The following PACRGL variants were observed in gnomAD, a reference collection of about 807,000 sequenced individuals.
PACRGL encodes PACRG-like protein.
Under a neutral mutation model 34.5 loss-of-function variants are expected in PACRGL, and 38 were observed. The ratio of observed to expected loss-of-function variants is 1.10; its 90% CI spans 0.85 to 1.44. PACRGL has a LOEUF of 1.44. Ranked by LOEUF, PACRGL falls within the 40% of genes most tolerant of loss-of-function variation. The pLI, the probability that PACRGL is intolerant of heterozygous loss-of-function variation, is 0.00. For missense variants in PACRGL, 305 were observed against 281.4 expected, an observed-to-expected ratio of 1.08 and a Z score of -0.60; for synonymous variants, 128 against 100.1, an observed-to-expected ratio of 1.28 and a Z score of -1.66.
rs1747004194 is a variant in PACRGL at position 20,729,082 on chromosome 4, C to T, written c.*1741C>T. On this transcript the variant is annotated 3_prime_UTR_variant, in exon 9 of 9. Coordinates refer to ENST00000503585, the MANE Select transcript of PACRGL (RefSeq NM_001258345.3). ...TTGCTAATTTTGCTTGCTGTTTGTT[C>T]TTAGTAGACAGTGGGGTAGTCAAGG... The T allele has an allele frequency of 6.6e-6, 1 of 151,806 alleles. No individual in the cohort carries two copies. The allele number at this position is 151,806 out of a possible 1,614,324, so 9.4% of individuals were successfully genotyped here.
At chr4:20,746,631 T>C (rs1752485525) in intron 8 of PACRGL, among the ~76,000 whole-genome samples, 1 of 152,154 alleles carries the variant, frequency 6.6e-6, no homozygotes, top group Non-Finnish European at 1.5e-5. Flanking sequence ...ATTATGACTT[T>C]TTCATTTTTA....
At chr4:20,703,398 A>G (rs1733068133) in intron 1 of PACRGL, among the ~76,000 whole-genome samples, 2 of 152,256 alleles carry the variant, frequency 1.3e-5, no homozygotes, top group Admixed American at 1.3e-4. Flanking sequence ...CACATTTGAG[A>G]AACCAAGATG....
chr4:20,707,615 G>GA (rs35495469), intron 3 of PACRGL, among the ~76,000 whole-genome samples, 188 bp from the exon 4 acceptor site: 77,518 of 151,974 alleles, frequency 0.51, 20,417 homozygotes, highest in African/African-American at 0.63. Flanking sequence ...ATCGTTAGGG[G>GA]AAAAAGAGAT....
At position 20,716,421 on chromosome 4, in the gene PACRGL, C is replaced by T. The variant is rs192853513; in HGVS notation, c.609+2882C>T. On this transcript the variant is annotated intron_variant, in intron 7 of 8. Coordinates refer to ENST00000503585, the MANE Select transcript of PACRGL (RefSeq NM_001258345.3). ...CGTGCAGGTTTGTTACGTATGTATA[C>T]GTGTGCCATGTTGGTGTGTTGAACC... 2.0e-5 allele frequency among the ~76,000 whole-genome samples: 3 copies of T among 152,006 alleles called. No individual in the cohort carries two copies. The East Asian group carries it at 5.8e-4, about 29-fold the overall frequency.
At chr4:20,717,394 A>G (rs552776861) in intron 7 of PACRGL, among the ~76,000 whole-genome samples, 96 of 152,332 alleles carry the variant, frequency 6.3e-4, no homozygotes, top group Admixed American at 1.0e-3. Context: ...TGTTTTAGAC[A>G]TGAAGTCCTT....
At chr4:20,723,943 C>T (rs1184920925) in intron 7 of PACRGL, among the ~76,000 whole-genome samples, 1 of 152,176 alleles carries the variant, frequency 6.6e-6, no homozygotes, top group Non-Finnish European at 1.5e-5. Flanking sequence ...CTTCGTCCCT[C>T]ACCCCCATCT....
intron 1 of PACRGL, 47 bp downstream of exon 1, chr4:20,700,834 A>AT (rs890983753): frequency 2.0e-5 from 3 of 151,282 alleles, no homozygotes; most frequent in East Asian, 1.9e-4. Flanking sequence ...TTTTTTCTTT[A>AT]TTTTTTTTCT....
rs17552950 is a variant in PACRGL, at chr4:20,728,553, G to C, written c.*1212G>C. 0.17 allele frequency: 26,387 copies of C among 152,430 alleles called. 2,342 individuals are homozygous for C. The highest frequency in any genetic ancestry group is 0.23 in the Middle Eastern group (67 of 292). The allele number at this position is 152,430 out of a possible 1,614,324, so 9.4% of individuals were successfully genotyped here. A position where few individuals can be genotyped will look rare whatever the true frequency, so the allele number is the denominator to read the frequency against. ...AGCTATCTGCCATCTAGAAAGTACT[G>C]TAAGATTTAATTAATTACAAAATTT... On this transcript the variant is annotated 3_prime_UTR_variant, in exon 9 of 9. Transcript: ENST00000503585.
intron 7 of PACRGL, among the ~76,000 whole-genome samples, chr4:20,717,820 CT>C (rs1483006648): frequency 9.2e-5 from 14 of 151,794 alleles, no homozygotes; most frequent in South Asian, 2.1e-4. Flanking sequence ...AATGTGGGCT[CT>C]TTTTTGTTTC....
chr4:20,726,073 C>T (rs1443383521), intron 8 of PACRGL, among the ~76,000 whole-genome samples: 1 of 151,972 alleles, frequency 6.6e-6, no homozygotes, highest in Non-Finnish European at 1.5e-5. Context: ...GAAACGCTCC[C>T]TAGGTGATTT....
At chr4:20,749,304 T>C (rs1187136819) in intron 8 of PACRGL, among the ~76,000 whole-genome samples, 2 of 152,184 alleles carry the variant, frequency 1.3e-5, no homozygotes, top group African/African-American at 4.8e-5. Context: ...GAGACTTCCA[T>C]AACAGGACTT....
rs1747610511 is a variant in PACRGL, at chr4:20,730,109, G to A, written c.*2768G>A. ...AAATCACATTTTCAAAGAGCTGCAT[G>A]GAGCGCATTATGTTTTCATCCTGTA... On this transcript the variant is annotated 3_prime_UTR_variant, in exon 9 of 9. Transcript: ENST00000503585. 6.2e-7 allele frequency: 1 copy of A among 1,608,854 alleles called. No homozygotes were observed. Among genetic ancestry groups the A allele is most frequent in the Non-Finnish European group, 8.5e-7 (1 of 1,178,204 alleles).
Position 20,728,995 on chromosome 4 carries a change from C to CTAAATCTTGGTAGTAGTTG in PACRGL, c.*1656_*1674dup, listed in dbSNP as rs1553880986. On this transcript the variant is annotated 3_prime_UTR_variant, in exon 9 of 9. Coordinates refer to ENST00000503585, the MANE Select transcript of PACRGL (RefSeq NM_001258345.3). ...TTAGTTGTTGAGCACTTATTTTCTACTAAATCTTGGTAGTAGTTGTCAATG... is the reference window on the plus strand; with the variant it reads ...TTAGTTGTTGAGCACTTATTTTCTACTAAATCTTGGTAGTAGTTGTAAATCTTGGTAGTAGTTGTCAATG... 1.3e-5 allele frequency: 2 copies of CTAAATCTTGGTAGTAGTTG among 152,224 alleles called. No individual in the cohort carries two copies. The highest frequency in any genetic ancestry group is 2.9e-5 in the Non-Finnish European group (2 of 68,026). 9.4% of individuals were successfully genotyped at this position (152,224 alleles called of 1,614,324 possible).
At chr4:20,722,126 G>T (rs111772661) in intron 7 of PACRGL, among the ~76,000 whole-genome samples, 30,655 of 152,236 alleles carry the variant, frequency 0.2, 3,420 homozygotes, top group East Asian at 0.42. Flanking sequence ...CTCTGAGCCA[G>T]GCACAGGATA....
upstream of PACRGL, among the ~76,000 whole-genome samples, chr4:20,697,719 A>T (rs1255298819): frequency 2.6e-5 from 4 of 152,172 alleles, no homozygotes; most frequent in African/African-American, 9.6e-5. Context: ...TGGAGGCTGG[A>T]AAGTCCACAT....
chr4:20,745,867 C>T (rs1243339764), intron 8 of PACRGL, among the ~76,000 whole-genome samples: 1 of 152,066 alleles, frequency 6.6e-6, no homozygotes, highest in Non-Finnish European at 1.5e-5. Context: ...CATGTAGTTG[C>T]CTTACTGGGT....
At chr4:20,706,849 C>T (rs560478539) in intron 3 of PACRGL, among the ~76,000 whole-genome samples, 2 of 152,304 alleles carry the variant, frequency 1.3e-5, no homozygotes, top group East Asian at 1.9e-4. Context: ...GCTGGGATTA[C>T]AGGCTTGAGC....
upstream of PACRGL, among the ~76,000 whole-genome samples, chr4:20,696,982 T>C (rs1731270493): frequency 6.6e-6 from 1 of 152,240 alleles, no homozygotes; most frequent in South Asian, 2.1e-4. Flanking sequence ...TTTCACATGA[T>C]TCTTTCCACC....
At chr4:20,758,806 C>G in the PACRGL span, 1 of 1,601,408 alleles carries the variant, frequency 6.2e-7, no homozygotes, top group Non-Finnish European at 8.5e-7. Context: ...TTAACAAGTC[C>G]ACATTTGTAC....
Sources: gnomAD v4.1 joint callset for allele counts (sites outside exome capture counted in the v4.1 genomes callset) on GRCh38, gnomAD v4.1.1 for gene constraint, MANE v1.5 for transcripts, NCBI Gene and HGNC (gene_info 2026-07-23, HGNC 2026-07-21) for gene names.